The following FGF12 variants were observed in gnomAD, a reference collection of about 807,000 sequenced individuals.
FGF12 encodes fibroblast growth factor 12B.
Under a neutral mutation model 23.6 loss-of-function variants are expected in FGF12, and 14 were observed. That is an observed-to-expected ratio of 0.59 (90% CI 0.39 to 0.93). The LOEUF (loss-of-function observed/expected upper bound fraction) is 0.93. Ranked by LOEUF, FGF12 falls within the 40% of genes least tolerant of loss-of-function variation. FGF12 has a pLI of 0.00. For missense variants in FGF12, 175 were observed against 217.8 expected (o/e 0.80, Z 1.24); for synonymous variants, 62 against 77.3 (o/e 0.80, Z 1.04).
At chr3:192,711,940 CAAAA>C (rs60779864) in intron 2 of FGF12, among the ~76,000 whole-genome samples, 12 of 50,820 alleles carry the variant, frequency 2.4e-4, no homozygotes, top group African/African-American at 5.3e-4. Context: ...CAAGAACGAT[CAAAA>C]AAAAAAAAAA....
At chr3:192,174,743 A>T (rs767436086) in intron 4 of FGF12, among the ~76,000 whole-genome samples, 1 of 128,012 alleles carries the variant, frequency 7.8e-6, no homozygotes, top group Admixed American at 8.1e-5. Flanking sequence ...CACGTGGAGT[A>T]AAAAAAAAAA....
At chr3:192,218,021 G>C (rs901322766) in intron 4 of FGF12, among the ~76,000 whole-genome samples, 19 of 151,906 alleles carry the variant, frequency 1.3e-4, no homozygotes, top group Non-Finnish European at 2.4e-4. Context: ...ATTTTTAGTA[G>C]AGATGTGGTT....
intron 2 of FGF12, among the ~76,000 whole-genome samples, chr3:192,656,320 C>CAG (rs568490830): frequency 5.7e-5 from 3 of 52,670 alleles, no homozygotes; most frequent in Non-Finnish European, 1.4e-4. Context: ...CACACACACA[C>CAG]AGAGAGAGAA....
intron 2 of FGF12, among the ~76,000 whole-genome samples, chr3:192,651,787 G>A (rs921693669): frequency 1.3e-5 from 2 of 152,120 alleles, no homozygotes; most frequent in Non-Finnish European, 2.9e-5. Flanking sequence ...TTGAAACACC[G>A]CTGAGAGTTA....
Position 192,429,200 on chromosome 3 carries a change from T to G in FGF12, c.14-68662A>C, listed in dbSNP as rs114248778. ...CATCAACTTACCTCTTCACGAAGCT[T>G]AAGACATCTGACTCTTGTTTATAAC... On this transcript the variant is annotated intron_variant, in intron 2 of 5. Transcript: ENST00000445105. Among the ~76,000 whole-genome samples the G allele has an allele frequency of 6.5e-3, 994 of 152,240 alleles. 14 individuals carry two copies. The highest frequency in any genetic ancestry group is 0.023 in the African/African-American group (945 of 41,534).
chr3:192,399,978 G>A (rs1015723832), intron 2 of FGF12, among the ~76,000 whole-genome samples: 9 of 152,174 alleles, frequency 5.9e-5, no homozygotes, highest in Non-Finnish European at 8.8e-5. Flanking sequence ...ATACCCAACC[G>A]GAGGATCCTC....
rs1042566755 is a variant in FGF12 at position 192,461,670 on chromosome 3, G to A, written c.14-101132C>T. ...AACAGAAGTATGTGTGTAAGCAGAAGTGTGGGGAAGATGTTTTTTAAAAAT... is the reference window on the plus strand; with the variant it reads ...AACAGAAGTATGTGTGTAAGCAGAAATGTGGGGAAGATGTTTTTTAAAAAT... On this transcript the variant is annotated intron_variant, in intron 2 of 5. Transcript: ENST00000445105. Among the ~76,000 whole-genome samples the A allele has an allele frequency of 2.0e-5, 3 of 152,126 alleles. No homozygotes were observed. In the East Asian group the frequency reaches 5.8e-4, roughly 29 times the overall value.
intron 2 of FGF12, among the ~76,000 whole-genome samples, chr3:192,678,913 T>C (rs1717420101): frequency 6.6e-6 from 1 of 151,932 alleles, no homozygotes. Context: ...TGCTTCAGAG[T>C]CCCCTGAAGA....
intron 2 of FGF12, among the ~76,000 whole-genome samples, chr3:192,402,908 A>G (rs1360341504): frequency 1.3e-5 from 2 of 152,212 alleles, no homozygotes; most frequent in Non-Finnish European, 1.5e-5. Flanking sequence ...AAAGTTCTGT[A>G]ATTCCATGAG....
intron 5 of FGF12, among the ~76,000 whole-genome samples, chr3:192,145,071 G>A (rs932915855): frequency 7.2e-5 from 11 of 152,130 alleles, no homozygotes; most frequent in African/African-American, 2.7e-4. Flanking sequence ...ACATCAAATA[G>A]CTTCCTCCCT....
intron 2 of FGF12, among the ~76,000 whole-genome samples, chr3:192,647,718 TATATAC>T (rs1716063099): frequency 1.4e-5 from 2 of 146,378 alleles, no homozygotes; most frequent in Non-Finnish European, 3.0e-5. Context: ...TATACATATA[TATATAC>T]ACATATATAC....
chr3:192,387,746 T>C (rs1375354732), intron 2 of FGF12, among the ~76,000 whole-genome samples: 2 of 150,922 alleles, frequency 1.3e-5, no homozygotes, highest in South Asian at 2.1e-4. Context: ...AATTATCTGG[T>C]TGTGGTGGTG....
At chr3:192,228,167 A>T (rs972120061) in intron 4 of FGF12, among the ~76,000 whole-genome samples, 4 of 152,166 alleles carry the variant, frequency 2.6e-5, no homozygotes, top group Non-Finnish European at 4.4e-5. Flanking sequence ...CAAAAAAAAA[A>T]GTATATGGGT....
chr3:192,229,223 G>T (rs1479904199), intron 4 of FGF12, among the ~76,000 whole-genome samples: 1 of 151,512 alleles, frequency 6.6e-6, no homozygotes, highest in African/African-American at 2.4e-5. Context: ...ATAGATGAAA[G>T]AATTAAGATG....
At chr3:192,578,030 G>A (rs1013839833) in intron 2 of FGF12, among the ~76,000 whole-genome samples, 13 of 152,144 alleles carry the variant, frequency 8.5e-5, no homozygotes, top group African/African-American at 2.7e-4. Context: ...TTGGCGGGGG[G>A]CAGGGTATCT....
At chr3:192,661,278 T>C (rs911129831) in intron 2 of FGF12, among the ~76,000 whole-genome samples, 3 of 152,156 alleles carry the variant, frequency 2.0e-5, no homozygotes, top group African/African-American at 4.8e-5. Context: ...TTCCAGCACT[T>C]TGGGAGGCCA....
chr3:192,696,153 CTT>C (rs66508726), intron 2 of FGF12, among the ~76,000 whole-genome samples: 33 of 140,816 alleles, frequency 2.3e-4, no homozygotes, highest in African/African-American at 8.2e-4. Context: ...CTAAGCTCAG[CTT>C]TTTTTTTTTT....
chr3:192,379,383 C>T (rs1280171014), intron 2 of FGF12, among the ~76,000 whole-genome samples: 2 of 145,386 alleles, frequency 1.4e-5, no homozygotes, highest in Non-Finnish European at 3.0e-5. Context: ...GAAATCCCTA[C>T]ACCTTCCACT....
intron 4 of FGF12, among the ~76,000 whole-genome samples, chr3:192,246,284 G>C (rs922174644): frequency 1.3e-5 from 2 of 152,010 alleles, no homozygotes; most frequent in Non-Finnish European, 2.9e-5. Context: ...GTGACATCAA[G>C]AACCACTTGG....
Sources: allele counts gnomAD v4.1 joint callset (sites outside exome capture counted in the v4.1 genomes callset), GRCh38; gene constraint gnomAD v4.1.1; transcripts MANE v1.5; gene names NCBI Gene and HGNC (gene_info 2026-07-23, HGNC 2026-07-21).